Variants in MSRA observed in about 807,000 individuals in gnomAD.
The protein encoded by MSRA is methionine sulfoxide reductase A.
In MSRA, 54 loss-of-function variants were observed where a neutral mutation model predicts 31.3. The observed-to-expected ratio is 1.73, with a 90% CI of 1.39 to 2.17. The LOEUF (loss-of-function observed/expected upper bound fraction) is 2.17. Among genes scored for constraint, MSRA ranks in the 30% most tolerant of loss-of-function variants. The pLI is 0.00. For missense variants in MSRA, 507 were observed against 300.9 expected, an observed-to-expected ratio of 1.69 and a Z score of -5.07; for synonymous variants, 169 against 116.5, an observed-to-expected ratio of 1.45 and a Z score of -2.90.
intron 5 of MSRA, among the ~76,000 whole-genome samples, chr8:10,414,075 G>T (rs1260299477): frequency 6.6e-6 from 1 of 152,170 alleles, no homozygotes; most frequent in Non-Finnish European, 1.5e-5. Flanking sequence ...GTTGAGACAA[G>T]AGGATCGCTT....
chr8:10,400,632 G>A (rs1807401414), intron 5 of MSRA, among the ~76,000 whole-genome samples: 1 of 152,164 alleles, frequency 6.6e-6, no homozygotes, highest in Non-Finnish European at 1.5e-5. Context: ...TAGCCTCTCA[G>A]GGGAGTCTGG....
At chr8:10,072,246 ATTC>A (rs1797771617) in intron 1 of MSRA, among the ~76,000 whole-genome samples, 1 of 151,868 alleles carries the variant, frequency 6.6e-6, no homozygotes, top group African/African-American at 2.4e-5. Context: ...CCCAGGGCCC[ATTC>A]TTAGGCCACT....
chr8:10,073,330 G>A (rs861496), intron 1 of MSRA, among the ~76,000 whole-genome samples: 6 of 151,850 alleles, frequency 4.0e-5, no homozygotes, highest in Non-Finnish European at 2.9e-5. Context: ...TCAGGAAAAG[G>A]GTCTTCTACC....
chr8:10,171,070 C>T (rs990694128), intron 1 of MSRA, among the ~76,000 whole-genome samples: 12 of 152,172 alleles, frequency 7.9e-5, no homozygotes, highest in African/African-American at 2.9e-4. Flanking sequence ...TTTGAGAGCA[C>T]TGTCATTTTT....
At chr8:10,134,970 C>T (rs549087880) in intron 1 of MSRA, among the ~76,000 whole-genome samples, 10 of 152,236 alleles carry the variant, frequency 6.6e-5, no homozygotes, top group Middle Eastern at 3.4e-3. Flanking sequence ...AGGGAACCAA[C>T]GGAGGAATGT....
At chr8:10,417,255 T>C (rs1005645259) in intron 5 of MSRA, among the ~76,000 whole-genome samples, 2 of 152,140 alleles carry the variant, frequency 1.3e-5, no homozygotes, top group African/African-American at 4.8e-5. Flanking sequence ...TTGAACGCGC[T>C]CCTTGTCATT....
At chr8:10,250,560 A>G (rs1017540767) in intron 3 of MSRA, 4 of 685,824 alleles carry the variant, frequency 5.8e-6, no homozygotes, top group Admixed American at 4.2e-5. Flanking sequence ...AGCACGGGAA[A>G]TCTGAGGCCC....
At chr8:10,055,852 C>G (rs2661754) in intron 1 of MSRA, among the ~76,000 whole-genome samples, 50 of 152,118 alleles carry the variant, frequency 3.3e-4, no homozygotes, top group African/African-American at 1.1e-3. Flanking sequence ...GTTTAGAAAT[C>G]GTGTGACTGG....
chr8:10,108,801 G>T (rs1327890923), intron 1 of MSRA, among the ~76,000 whole-genome samples: 1 of 144,586 alleles, frequency 6.9e-6, no homozygotes, highest in African/African-American at 2.5e-5. Flanking sequence ...ATGAGTTGTT[G>T]GGAAATTTTT....
intron 4 of MSRA, among the ~76,000 whole-genome samples, chr8:10,303,486 A>C (rs781328180): frequency 3.9e-5 from 6 of 152,092 alleles, no homozygotes; most frequent in Non-Finnish European, 7.4e-5. Flanking sequence ...GTTAAAAAAG[A>C]TTTTCCAGAT....
At chr8:10,137,337 C>G (rs1185840761) in intron 1 of MSRA, among the ~76,000 whole-genome samples, 1 of 152,172 alleles carries the variant, frequency 6.6e-6, no homozygotes, top group Non-Finnish European at 1.5e-5. Flanking sequence ...GTCTTGGTGC[C>G]TGCCATTTTT....
At chr8:10,256,964 T>C (rs2975693) in intron 3 of MSRA, among the ~76,000 whole-genome samples, 23,345 of 152,224 alleles carry the variant, frequency 0.15, 2,432 homozygotes, top group African/African-American at 0.29. Flanking sequence ...AGGCTTTTTA[T>C]ACATTTCTTT....
intron 3 of MSRA, among the ~76,000 whole-genome samples, chr8:10,276,796 A>G (rs983749153): frequency 1.3e-5 from 2 of 152,180 alleles, no homozygotes; most frequent in Non-Finnish European, 2.9e-5. Flanking sequence ...CTAATAAGCA[A>G]ATGAATCCTC....
intron 1 of MSRA, among the ~76,000 whole-genome samples, chr8:10,103,127 A>G (rs566498211): frequency 1.2e-4 from 19 of 152,306 alleles, no homozygotes; most frequent in African/African-American, 4.3e-4. Context: ...TTATTTTTAA[A>G]AGGAGAGAAT....
intron 1 of MSRA, among the ~76,000 whole-genome samples, chr8:10,111,720 A>G (rs1800299734): frequency 6.6e-6 from 1 of 152,220 alleles, no homozygotes; most frequent in South Asian, 2.1e-4. Flanking sequence ...TCAAAAGCCT[A>G]AAGGAAATAT....
chr8:10,262,696 T>C lies in MSRA; in HGVS notation c.331+17473T>C, dbSNP rs77294925. On this transcript the variant is annotated intron_variant, in intron 3 of 5. Coordinates refer to ENST00000317173, the MANE Select transcript of MSRA (RefSeq NM_012331.5). ...AAAAATTTCTTTCCCCAGGCATCCA[T>C]TATTTGTGAACTGTGTGGGTTGGGC... Among the ~76,000 whole-genome samples, 194 of 152,300 alleles carry C rather than the reference T, an allele frequency of 1.3e-3. 2 individuals are homozygous for C. Among genetic ancestry groups the C allele is most frequent in the African/African-American group, 4.5e-3 (187 of 41,566 alleles).
At chr8:10,078,303 C>G (rs1026781046) in intron 1 of MSRA, among the ~76,000 whole-genome samples, 2 of 152,200 alleles carry the variant, frequency 1.3e-5, no homozygotes, top group African/African-American at 4.8e-5. Flanking sequence ...ATGGTAGAGA[C>G]CAGGATGGAA....
At chr8:10,230,644 G>A (rs1811382211) in intron 2 of MSRA, among the ~76,000 whole-genome samples, 1 of 152,180 alleles carries the variant, frequency 6.6e-6, no homozygotes, top group African/African-American at 2.4e-5. Context: ...TCTTTTGACA[G>A]TTGGAATACA....
intron 1 of MSRA, among the ~76,000 whole-genome samples, chr8:10,132,594 A>G (rs752109669): frequency 2.6e-5 from 4 of 152,174 alleles, no homozygotes; most frequent in Non-Finnish European, 5.9e-5. Context: ...ACAGGTGGTC[A>G]CCTTCTTGCT....
Sources: gnomAD v4.1 joint callset for allele counts (sites outside exome capture counted in the v4.1 genomes callset) on GRCh38, gnomAD v4.1.1 for gene constraint, MANE v1.5 for transcripts, NCBI Gene and HGNC (gene_info 2026-07-23, HGNC 2026-07-21) for gene names.